The following TRIT1 variants were observed in gnomAD, a reference collection of about 807,000 sequenced individuals.
The protein encoded by TRIT1 is tRNA isopentenyltransferase 1, also known as tRNA dimethylallyltransferase.
TRIT1 carries 43 observed loss-of-function variants against 51.2 expected under a neutral mutation model. The observed-to-expected ratio is 0.84, with a 90% CI of 0.66 to 1.08. The LOEUF (loss-of-function observed/expected upper bound fraction) is 1.08, where lower values mean the gene tolerates loss of function less well. Ranked by LOEUF, TRIT1 falls within the 50% of genes least tolerant of loss-of-function variation. The pLI is 0.00. For synonymous variants in TRIT1, 184 were observed against 203.9 expected, an observed-to-expected ratio of 0.90 and a Z score of 0.83; for missense variants, 528 against 578.4, an observed-to-expected ratio of 0.91 and a Z score of 0.89.
chr1:39,849,061 T>G (rs1642407368), intron 5 of TRIT1, among the ~76,000 whole-genome samples: 1 of 152,184 alleles, frequency 6.6e-6, no homozygotes. Context: ...CCATTTTAAT[T>G]ATGTTCTTCT....
At chr1:39,854,135 C>A in intron 2 of TRIT1, 67 bp from the exon 3 acceptor site, 2 of 1,132,260 alleles carry the variant, frequency 1.8e-6, no homozygotes, top group South Asian at 1.4e-5. Flanking sequence ...ACACCATTAG[C>A]AAGAAACCAC....
At chr1:39,846,039 G>C (rs1013433384) in intron 8 of TRIT1, among the ~76,000 whole-genome samples, 2 of 152,204 alleles carry the variant, frequency 1.3e-5, no homozygotes, top group Non-Finnish European at 2.9e-5. Flanking sequence ...TGTCAGACAT[G>C]GGGATAAGAG....
chr1:39,856,657 T>A (rs906722739), intron 2 of TRIT1, among the ~76,000 whole-genome samples: 1 of 152,194 alleles, frequency 6.6e-6, no homozygotes, highest in African/African-American at 2.4e-5. Flanking sequence ...GCAGTCTGCA[T>A]GTTAAGACAT....
chr1:39,861,990 A>T (rs1340213900), intron 1 of TRIT1, among the ~76,000 whole-genome samples: 1 of 152,134 alleles, frequency 6.6e-6, no homozygotes. Flanking sequence ...TACAACATGG[A>T]TAACCTTGAA....
chr1:39,863,139 T>C (rs1307427219), intron 1 of TRIT1, among the ~76,000 whole-genome samples: 1 of 152,236 alleles, frequency 6.6e-6, no homozygotes, highest in Non-Finnish European at 1.5e-5. Flanking sequence ...GTGTTAGGTA[T>C]ACTGCAACAT....
At chr1:39,869,697 G>A (rs1301523161) in intron 1 of TRIT1, among the ~76,000 whole-genome samples, 3 of 151,536 alleles carry the variant, frequency 2.0e-5, no homozygotes, top group Non-Finnish European at 4.4e-5. Context: ...GAGATGTGAG[G>A]AGCGCCTCTG....
At chr1:39,865,840 C>CAAGA (rs916231142) in intron 1 of TRIT1, among the ~76,000 whole-genome samples, 10 of 127,948 alleles carry the variant, frequency 7.8e-5, no homozygotes, top group African/African-American at 3.0e-4. Flanking sequence ...CACAACGAGA[C>CAAGA]AAGAAAGAAA....
chr1:39,875,137 A>G (rs373461909), intron 1 of TRIT1, among the ~76,000 whole-genome samples: 13 of 152,152 alleles, frequency 8.5e-5, no homozygotes, highest in African/African-American at 2.7e-4. Context: ...AGACTAATGT[A>G]ACAGAATCCT....
At position 39,847,644 on chromosome 1, in the gene TRIT1, C is replaced by T; in HGVS notation, c.832G>A (p.Gly278Ser). 6.2e-7 allele frequency: 1 copy of T among 1,614,160 alleles called. No individual in the cohort carries two copies. Among genetic ancestry groups the T allele is most frequent in the Non-Finnish European group, 8.5e-7 (1 of 1,180,022 alleles). Residue 278 changes from glycine (G) to serine (S), a missense_variant, in exon 7 of 11, where the codon GGT becomes AGT. By Grantham distance (56) the Gly-to-Ser change is moderately conservative (BLOSUM62 0). Coordinates refer to ENST00000316891, the MANE Select transcript of TRIT1 (RefSeq NM_017646.6). ...VSENSQDYQH[G>S]IFQSIGFKEF... ...TTGAAGCCAATTGATTGGAAGATAC[C>T]ATGTTGATAGTCCTGGCTGGGAACA...
At chr1:39,871,942 T>C (rs1052030399) in intron 1 of TRIT1, among the ~76,000 whole-genome samples, 2 of 152,174 alleles carry the variant, frequency 1.3e-5, no homozygotes, top group Non-Finnish European at 2.9e-5. Context: ...CTTGCTTTGT[T>C]GTCCAGGCTA....
chr1:39,845,899 G>C (rs1451412841), intron 8 of TRIT1, among the ~76,000 whole-genome samples: 1 of 152,180 alleles, frequency 6.6e-6, no homozygotes, highest in Non-Finnish European at 1.5e-5. Flanking sequence ...GCATACACAC[G>C]AATGAGGAAC....
chr1:39,851,663 C>T (rs750891662), intron 4 of TRIT1, among the ~76,000 whole-genome samples: 4 of 152,106 alleles, frequency 2.6e-5, no homozygotes, highest in Non-Finnish European at 5.9e-5. Context: ...CTTTTCTTGG[C>T]TGAGTACTGT....
chr1:39,840,542 C>T lies in TRIT1; in HGVS notation c.*1202G>A, dbSNP rs990177018. Among the ~76,000 whole-genome samples, 18 of 152,148 alleles carry T rather than the reference C, an allele frequency of 1.2e-4. No individual in the cohort carries two copies. Among genetic ancestry groups the T allele is most frequent in the Admixed American group, 3.9e-4 (6 of 15,284 alleles). ...GTGTACACATGCAATTATTTATAAG[C>T]TCCCTGAAGGCAAGAACCACATCTC... On this transcript the variant is annotated 3_prime_UTR_variant, in exon 11 of 11. Transcript: ENST00000316891.
chr1:39,879,261 C>CAAAA (rs771112740), intron 1 of TRIT1, among the ~76,000 whole-genome samples: 1 of 151,628 alleles, frequency 6.6e-6, no homozygotes, highest in Admixed American at 6.6e-5. Context: ...CATCTTAAAA[C>CAAAA]AAACAAACAA....
chr1:39,846,695 A>T (rs1642243464), intron 8 of TRIT1, among the ~76,000 whole-genome samples: 1 of 152,256 alleles, frequency 6.6e-6, no homozygotes, highest in Non-Finnish European at 1.5e-5. Context: ...TTAGTGCCAA[A>T]GACACAGTAC....
chr1:39,855,101 T>C (rs1047272524), intron 2 of TRIT1, among the ~76,000 whole-genome samples: 4 of 152,196 alleles, frequency 2.6e-5, no homozygotes, highest in Non-Finnish European at 2.9e-5. Flanking sequence ...ATCCATCCAC[T>C]GCAGCATCCC....
chr1:39,881,262 G>A (rs1644257750), intron 1 of TRIT1, among the ~76,000 whole-genome samples: 1 of 149,622 alleles, frequency 6.7e-6, no homozygotes, highest in Admixed American at 6.7e-5. Flanking sequence ...AGAAATGATA[G>A]AACATAAATA....
Position 39,856,039 on chromosome 1 carries a change from GC to G in TRIT1, c.315+1237del, listed in dbSNP as rs200036512. 7.0e-3 allele frequency among the ~76,000 whole-genome samples: 1,070 copies of G among 152,242 alleles called. 21 individuals are homozygous for G. Among genetic ancestry groups the G allele is most frequent in the African/African-American group, 0.025 (1,026 of 41,528 alleles). ...AAAAATAAAATAGCCGGGCATGGTG[GC>G]TCATGCCTGTTATCCCAGCACTTTG... is the stretch of plus-strand genomic sequence containing the variant. On this transcript the variant is annotated intron_variant, in intron 2 of 10. Coordinates refer to ENST00000316891, the MANE Select transcript of TRIT1 (RefSeq NM_017646.6).
chr1:39,849,018 T>A (rs531255264), intron 5 of TRIT1, among the ~76,000 whole-genome samples: 5 of 152,150 alleles, frequency 3.3e-5, no homozygotes, highest in African/African-American at 7.2e-5. Flanking sequence ...TTTTTATCAA[T>A]TTATGGCAGA....
Sources: allele counts gnomAD v4.1 joint callset (sites outside exome capture counted in the v4.1 genomes callset), GRCh38; gene constraint gnomAD v4.1.1; transcripts MANE v1.5; gene names NCBI Gene and HGNC (gene_info 2026-07-23, HGNC 2026-07-21).